Variants in STK32B observed in about 807,000 individuals in gnomAD.
The protein encoded by STK32B is serine/threonine-protein kinase 32B.
In STK32B, 43 loss-of-function variants were observed where a neutral mutation model predicts 52.6. The ratio of observed to expected loss-of-function variants is 0.82; its 90% CI spans 0.64 to 1.05. The LOEUF is 1.05. Among genes scored for constraint, STK32B ranks in the 50% least tolerant of loss-of-function variants. The pLI is 0.00. For missense variants in STK32B, 621 were observed against 534.6 expected, an observed-to-expected ratio of 1.16 and a Z score of -1.59; for synonymous variants, 238 against 204.3, an observed-to-expected ratio of 1.17 and a Z score of -1.41.
chr4:5,169,629 G>C (rs1719196736), intron 3 of STK32B, among the ~76,000 whole-genome samples: 1 of 152,102 alleles, frequency 6.6e-6, no homozygotes, highest in African/African-American at 2.4e-5. Flanking sequence ...ACCAAACCTT[G>C]TCTGCTGGAG....
At chr4:5,226,528 C>T (rs772143489) in intron 3 of STK32B, among the ~76,000 whole-genome samples, 3 of 152,184 alleles carry the variant, frequency 2.0e-5, no homozygotes, top group East Asian at 3.9e-4. Context: ...CCACCTGGGA[C>T]GTGAATTATC....
rs1307486224 is a variant in STK32B, at chr4:5,396,950, C to T, written c.435-1257C>T. On this transcript the variant is annotated intron_variant, in intron 4 of 11. Transcript: ENST00000282908. This position sits in a 1 kb window ranked among gnomAD's most constrained non-coding sequence, Gnocchi z 4.7. Reference sequence around the variant, plus strand: ...GTAATCTCTTTGTTCACAGTGGAGGCTTTGTGACCTCGGCAGCAGGGGCCC... The same window carrying T: ...GTAATCTCTTTGTTCACAGTGGAGGTTTTGTGACCTCGGCAGCAGGGGCCC... 1.3e-5 allele frequency among the ~76,000 whole-genome samples: 2 copies of T among 152,166 alleles called. No homozygotes were observed. The highest frequency in any genetic ancestry group is 2.9e-5 in the Non-Finnish European group (2 of 68,038).
At chr4:5,305,527 T>G (rs1453574349) in intron 3 of STK32B, among the ~76,000 whole-genome samples, 1 of 152,148 alleles carries the variant, frequency 6.6e-6, no homozygotes, top group Non-Finnish European at 1.5e-5. Flanking sequence ...TCTTTTGTAC[T>G]TCTGTGGTAT....
chr4:5,423,690 G>C (rs1008570699), intron 6 of STK32B, among the ~76,000 whole-genome samples: 3 of 152,152 alleles, frequency 2.0e-5, no homozygotes, highest in African/African-American at 7.2e-5. Flanking sequence ...GTTGGCCAGG[G>C]GATGGTGGGT....
At chr4:5,100,423 TTCCTTCCC>T (rs1322234578) in intron 1 of STK32B, among the ~76,000 whole-genome samples, 1 of 142,904 alleles carries the variant, frequency 7.0e-6, no homozygotes, top group Non-Finnish European at 1.5e-5. Flanking sequence ...CCTCCTTGCC[TTCCTTCCC>T]TCCTTCCTCC....
At chr4:5,497,625 A>C (rs977899968) in intron 11 of STK32B, among the ~76,000 whole-genome samples, 6 of 152,220 alleles carry the variant, frequency 3.9e-5, no homozygotes, top group Non-Finnish European at 7.3e-5. Context: ...TATGAAACAC[A>C]GTGTTGCTGC....
At chr4:5,302,991 TG>T (rs1478553172) in intron 3 of STK32B, among the ~76,000 whole-genome samples, 2 of 151,584 alleles carry the variant, frequency 1.3e-5, no homozygotes, top group African/African-American at 4.9e-5. Context: ...TCTGTGTGTG[TG>T]TGTGTTTGTG....
At chr4:5,124,351 C>T (rs1050900132) in intron 1 of STK32B, among the ~76,000 whole-genome samples, 4 of 152,198 alleles carry the variant, frequency 2.6e-5, no homozygotes, top group East Asian at 1.9e-4. Context: ...TGCAGCCTCC[C>T]TGACTCTCTT....
chr4:5,411,330 C>T (rs1422712466), intron 5 of STK32B, among the ~76,000 whole-genome samples: 6 of 152,040 alleles, frequency 3.9e-5, no homozygotes, highest in Middle Eastern at 3.4e-3. Flanking sequence ...CCACTGTGCC[C>T]GGCCAGGGCC....
chr4:5,421,114 G>C (rs910330474), intron 6 of STK32B, among the ~76,000 whole-genome samples: 27 of 145,676 alleles, frequency 1.9e-4, no homozygotes, highest in Admixed American at 7.6e-4. Flanking sequence ...TTTTGAGACA[G>C]AGTCTTGCTC....
chr4:5,325,206 A>C (rs1055927551), intron 3 of STK32B, among the ~76,000 whole-genome samples: 3 of 152,148 alleles, frequency 2.0e-5, no homozygotes, highest in Non-Finnish European at 4.4e-5. Flanking sequence ...CTGTGTTTAG[A>C]GTTATTTTAT....
intron 4 of STK32B, among the ~76,000 whole-genome samples, chr4:5,390,097 C>G (rs1215725325): frequency 6.6e-6 from 1 of 152,230 alleles, no homozygotes; most frequent in Non-Finnish European, 1.5e-5. Flanking sequence ...GACTTCCACC[C>G]TCCAGAACTG....
At chr4:5,060,718 A>C (rs890128523) in intron 1 of STK32B, among the ~76,000 whole-genome samples, 1 of 151,942 alleles carries the variant, frequency 6.6e-6, no homozygotes, top group East Asian at 1.9e-4. Flanking sequence ...AAATTTTTTC[A>C]CTTTGTACTT....
At position 5,500,257 on chromosome 4, in the gene STK32B, G is replaced by C. The variant is rs182635222; in HGVS notation, c.*1174G>C. On this transcript the variant is annotated 3_prime_UTR_variant, in exon 12 of 12. Coordinates refer to ENST00000282908, the MANE Select transcript of STK32B (RefSeq NM_018401.3). ...CTTAGGCAAAGCATGCAATCGCTCT[G>C]AATGGCAGTTTCCTCATTTTTAAAC... The C allele has an allele frequency of 9.2e-5, 14 of 152,282 alleles. No individual in the cohort carries two copies. Among genetic ancestry groups the C allele is most frequent in the Admixed American group, 9.2e-4 (14 of 15,296 alleles). The allele number at this position is 152,282 out of a possible 1,614,324, so 9.4% of individuals were successfully genotyped here.
chr4:5,289,732 A>G (rs1237893137), intron 3 of STK32B, among the ~76,000 whole-genome samples: 1 of 115,544 alleles, frequency 8.7e-6, no homozygotes, highest in East Asian at 2.9e-4. Flanking sequence ...TTTAGTAGAG[A>G]TGGGGTTTCA....
At chr4:5,304,586 A>T (rs1577318243) in intron 3 of STK32B, among the ~76,000 whole-genome samples, 1 of 151,952 alleles carries the variant, frequency 6.6e-6, no homozygotes, top group African/African-American at 2.4e-5. Context: ...TTTTTCGATG[A>T]GTCTTTAGGG....
intron 2 of STK32B, among the ~76,000 whole-genome samples, chr4:5,146,895 A>G (rs1716956827): frequency 6.6e-6 from 1 of 152,178 alleles, no homozygotes. Flanking sequence ...TGTTTTGGAT[A>G]TTCTAGATCA....
At chr4:5,233,287 C>T (rs1056100449) in intron 3 of STK32B, among the ~76,000 whole-genome samples, 1 of 152,096 alleles carries the variant, frequency 6.6e-6, no homozygotes, top group Non-Finnish European at 1.5e-5. Context: ...TAGGGTTAAC[C>T]TAGAGGATGT....
upstream of STK32B, among the ~76,000 whole-genome samples, chr4:5,049,427 T>C (rs1577607368): frequency 6.6e-6 from 1 of 152,234 alleles, no homozygotes; most frequent in African/African-American, 2.4e-5. Context: ...ATCACCTCAG[T>C]GCAGGCGGGC....
Sources: allele counts gnomAD v4.1 joint callset (sites outside exome capture counted in the v4.1 genomes callset), GRCh38; gene constraint gnomAD v4.1.1; non-coding constraint Gnocchi (gnomAD v3.1); transcripts MANE v1.5; gene names NCBI Gene and HGNC (gene_info 2026-07-23, HGNC 2026-07-21).